Variants in DDX4 observed in about 807,000 individuals in gnomAD.
DDX4 encodes the protein probable ATP-dependent RNA helicase DDX4.
Under a neutral mutation model 100.0 loss-of-function variants are expected in DDX4, and 25 were observed. That is an observed-to-expected ratio of 0.25 (90% confidence interval 0.18 to 0.35). The LOEUF is 0.35. Among genes scored for constraint, DDX4 ranks in the 10% least tolerant of loss-of-function variants. DDX4 has a pLI of 1.00. For missense variants in DDX4, 635 were observed against 882.4 expected (o/e 0.72, Z 3.55); for synonymous variants, 259 against 275.7 (o/e 0.94, Z 0.60).
intron 18 of DDX4, among the ~76,000 whole-genome samples, chr5:55,801,025 G>C (rs1302755202): frequency 6.6e-6 from 1 of 151,610 alleles, no homozygotes; most frequent in Non-Finnish European, 1.5e-5. Flanking sequence ...AGAGTTTATT[G>C]AGCTCTTTAG....
intron 18 of DDX4, among the ~76,000 whole-genome samples, chr5:55,800,442 G>T (rs1743224604): frequency 6.6e-6 from 1 of 151,300 alleles, no homozygotes; most frequent in Non-Finnish European, 1.5e-5. Flanking sequence ...TCCTGCCTCA[G>T]CCTCCTGAGT....
chr5:55,786,532 T>C lies in DDX4; in HGVS notation c.879T>C (p.Ala293=). Reference sequence around the variant, plus strand: ...TAAATTTTCAGACTTTTGAAGAAGCTAATCTCTGTCAGACACTGAATAACA... The same window carrying C: ...TAAATTTTCAGACTTTTGAAGAAGCCAATCTCTGTCAGACACTGAATAACA... The part of the protein sequence containing the change: ...APPAILTFEE[A]NLCQTLNNNI... The change falls in exon 14 of 22, where the codon GCT becomes GCC. Residue 293 remains alanine (A), a synonymous_variant. Coordinates refer to ENST00000505374, the MANE Select transcript of DDX4 (RefSeq NM_024415.3). 2 of 1,612,456 alleles carry C rather than the reference T, an allele frequency of 1.2e-6. No individual in the cohort carries two copies. Among genetic ancestry groups the C allele is most frequent in the East Asian group, 2.2e-5 (1 of 44,858 alleles).
intron 18 of DDX4, among the ~76,000 whole-genome samples, chr5:55,799,112 C>T (rs941789145): frequency 1.3e-5 from 2 of 151,942 alleles, no homozygotes; most frequent in Non-Finnish European, 2.9e-5. Flanking sequence ...CTTTGTTGCT[C>T]GGCCTGAAAT....
chr5:55,786,622 T>A lies in DDX4; in HGVS notation c.969T>A (p.Leu323=), dbSNP rs775338752. 1.2e-6 allele frequency: 2 copies of A among 1,613,444 alleles called. No individual in the cohort carries two copies. The highest frequency in any genetic ancestry group is 2.2e-5 in the South Asian group (2 of 91,050). ...PVQKYSIPII[L]AGRDLMACAQ... is the part of the protein sequence containing the mutation. ...AAAAATACAGTATTCCTATCATACT[T>A]GCAGGACGAGATTTGATGGCTTGCG... is the stretch of plus-strand genomic sequence containing the variant. Residue 323 remains leucine, a synonymous_variant, in exon 14 of 22, where the codon CTT becomes CTA. Coordinates refer to ENST00000505374, the MANE Select transcript of DDX4 (RefSeq NM_024415.3).
At chr5:55,754,087 T>C (rs1759761184) in intron 3 of DDX4, among the ~76,000 whole-genome samples, 1 of 145,782 alleles carries the variant, frequency 6.9e-6, no homozygotes, top group Non-Finnish European at 1.5e-5. Context: ...GACGATGGGG[T>C]TTTCTAGATA....
Position 55,739,056 on chromosome 5 carries a change from A to G in DDX4, c.69+24A>G, listed in dbSNP as rs746259197. On this transcript the variant is annotated intron_variant, in intron 2 of 21. Coordinates refer to ENST00000505374, the MANE Select transcript of DDX4 (RefSeq NM_024415.3). Reference sequence around the variant, plus strand: ...AGGTAATAACATTTAAAGTTTAGTTATTAAATGCTACGGATTTTATCAAAG... The same window carrying G: ...AGGTAATAACATTTAAAGTTTAGTTGTTAAATGCTACGGATTTTATCAAAG... 2.8e-5 allele frequency: 38 copies of G among 1,343,210 alleles called. No individual in the cohort carries two copies. The African/African-American group carries it at 5.2e-4, about 18-fold the overall frequency. The allele number at this position is 1,343,210 out of a possible 1,614,324, so 83.2% of individuals were successfully genotyped here. A position where few individuals can be genotyped will look rare whatever the true frequency, so the allele number is the denominator to read the frequency against.
chr5:55,781,080 C>G lies in DDX4; in HGVS notation c.511C>G (p.Pro171Ala). The G allele has an allele frequency of 1.2e-6, 2 of 1,608,702 alleles. No individual in the cohort carries two copies. The highest frequency in any genetic ancestry group is 1.7e-6 in the Non-Finnish European group (2 of 1,178,512). The change falls in exon 9 of 22, where the codon CCA becomes GCA. Residue 171 changes from proline to alanine, a missense_variant. Physicochemically the swap from Pro to Ala is conservative, Grantham distance 27 (BLOSUM62 -1). This residue lies in a region of DDX4 where 446 missense variants were observed against 540.8 expected (regional missense o/e 0.82). Coordinates refer to ENST00000505374, the MANE Select transcript of DDX4 (RefSeq NM_024415.3). ...GLGSPNNDLD[P>A]DECMQRTGGL... ...TGCAAATCAAGATAATGACTTAGAC[C>G]CAGACGAATGTATGCAGCGCACTGG...
intron 17 of DDX4, among the ~76,000 whole-genome samples, chr5:55,793,492 C>G (rs1228008817): frequency 2.0e-5 from 3 of 151,922 alleles, no homozygotes; most frequent in Admixed American, 2.0e-4. Context: ...GGATGTTAAC[C>G]CTGTTGTAAG....
rs1046441340 is a variant in DDX4 at position 55,783,996 on chromosome 5, C to G, written c.626-1301C>G. 2.6e-5 allele frequency among the ~76,000 whole-genome samples: 4 copies of G among 152,116 alleles called. No homozygotes were observed. In the South Asian group the frequency reaches 6.2e-4, roughly 24 times the overall value. On this transcript the variant is annotated intron_variant, in intron 10 of 21. Transcript: ENST00000505374. ...TAATGGTATCCCTTCCCCTGTCCCCCACCTTCCAACAGGCCCTGGTATGTG... is the reference window on the plus strand; with the variant it reads ...TAATGGTATCCCTTCCCCTGTCCCCGACCTTCCAACAGGCCCTGGTATGTG...
chr5:55,809,697 G>A (rs1346438630), intron 18 of DDX4, among the ~76,000 whole-genome samples: 1 of 152,178 alleles, frequency 6.6e-6, no homozygotes, highest in Non-Finnish European at 1.5e-5. Flanking sequence ...AATGGGAACT[G>A]AGTTCACCTG....
chr5:55,751,753 G>A (rs560270561), intron 3 of DDX4, among the ~76,000 whole-genome samples: 1 of 152,142 alleles, frequency 6.6e-6, no homozygotes, highest in Admixed American at 6.6e-5. Context: ...TTGTCTGTCA[G>A]CTTTGTTCAT....
At chr5:55,757,134 GT>G (rs935606397) in intron 3 of DDX4, among the ~76,000 whole-genome samples, 1 of 152,034 alleles carries the variant, frequency 6.6e-6, no homozygotes, top group African/African-American at 2.4e-5. Flanking sequence ...ATTTACATAG[GT>G]TTTTGGGGAA....
At chr5:55,740,058 A>G (rs1339993141) in intron 2 of DDX4, among the ~76,000 whole-genome samples, 1 of 152,212 alleles carries the variant, frequency 6.6e-6, no homozygotes, top group Non-Finnish European at 1.5e-5. Context: ...CTCTTCTCAT[A>G]ATAAAAATAT....
At position 55,753,055 on chromosome 5, in the gene DDX4, T is replaced by C. The variant is rs910244166; in HGVS notation, c.127+6834T>C. Among the ~76,000 whole-genome samples, 19 of 152,062 alleles carry C rather than the reference T, an allele frequency of 1.2e-4. 1 individual carries two copies. The highest frequency in any genetic ancestry group is 8.3e-4 in the South Asian group (4 of 4,806). ...TGTTTGTTTTTTTCTTGTAAATTTG[T>C]TTGAGTTCATTGTAGATTCTGGATA... On this transcript the variant is annotated intron_variant, in intron 3 of 21. Coordinates refer to ENST00000505374, the MANE Select transcript of DDX4 (RefSeq NM_024415.3).
At chr5:55,763,720 T>C (rs1228217230) in intron 5 of DDX4, among the ~76,000 whole-genome samples, 1 of 152,132 alleles carries the variant, frequency 6.6e-6, no homozygotes, top group Non-Finnish European at 1.5e-5. Flanking sequence ...AAACATATAG[T>C]GGTTACACTG....
At chr5:55,788,630 T>G (rs1742375729) in intron 15 of DDX4, among the ~76,000 whole-genome samples, 1 of 152,220 alleles carries the variant, frequency 6.6e-6, no homozygotes, top group Admixed American at 6.5e-5. Flanking sequence ...CAGAAAATTC[T>G]TATTTCATAA....
chr5:55,768,661 A>G (rs1222631296), intron 7 of DDX4, among the ~76,000 whole-genome samples: 2 of 152,144 alleles, frequency 1.3e-5, no homozygotes, highest in Admixed American at 6.6e-5. Flanking sequence ...GGATTGCTGG[A>G]TCGAATGGTA....
At chr5:55,740,805 C>T (rs1758938753) in intron 2 of DDX4, among the ~76,000 whole-genome samples, 1 of 152,000 alleles carries the variant, frequency 6.6e-6, no homozygotes, top group Non-Finnish European at 1.5e-5. Flanking sequence ...CAGGCATGGG[C>T]CACCACACCC....
At chr5:55,794,128 T>A (rs1162801887) in intron 17 of DDX4, among the ~76,000 whole-genome samples, 1 of 152,150 alleles carries the variant, frequency 6.6e-6, no homozygotes, top group Non-Finnish European at 1.5e-5. Context: ...GATATTTTTC[T>A]TTCTTAGTGG....
Sources: gnomAD v4.1 joint callset for allele counts (sites outside exome capture counted in the v4.1 genomes callset) on GRCh38, gnomAD v4.1.1 for gene constraint, gnomAD v4.1.1 regional missense constraint, MANE v1.5 for transcripts, NCBI Gene and HGNC (gene_info 2026-07-23, HGNC 2026-07-21) for gene names.